ABCB4: variants seen among roughly 807,000 people sequenced by gnomAD.
The protein encoded by ABCB4 is ATP binding cassette subfamily B member 4, also known as phosphatidylcholine translocator ABCB4.
In ABCB4, 76 loss-of-function variants were observed where a neutral mutation model predicts 145.7. The observed-to-expected ratio is 0.52, with a 90% CI of 0.43 to 0.63. ABCB4 has a LOEUF of 0.63. ABCB4 is among the 30% of genes least tolerant of loss of function. The probability of loss-of-function intolerance (pLI) is 0.00; values close to 1 mark genes in which losing one functional copy is unlikely to be tolerated. For synonymous variants in ABCB4, 517 were observed against 566.8 expected (o/e 0.91, Z 1.25); for missense variants, 1,234 against 1,553.1 (o/e 0.79, Z 3.45).
intron 7 of ABCB4, among the ~76,000 whole-genome samples, chr7:87,451,114 A>G (rs1178910403): frequency 6.6e-6 from 1 of 151,926 alleles, no homozygotes; most frequent in Non-Finnish European, 1.5e-5. Flanking sequence ...TCCTTAACTA[A>G]GGGTAATCGA....
chr7:87,463,043 C>G (rs1309013163), intron 3 of ABCB4, 135 bp from the exon 4 acceptor site: 2 of 723,104 alleles, frequency 2.8e-6, no homozygotes, highest in Non-Finnish European at 4.6e-6. Flanking sequence ...GAAAAGGAGG[C>G]CTTCAAATCA....
chr7:87,448,270 T>C (rs1478567208), intron 8 of ABCB4, among the ~76,000 whole-genome samples: 1 of 151,782 alleles, frequency 6.6e-6, no homozygotes, highest in Non-Finnish European at 1.5e-5. Flanking sequence ...CTAGGATATT[T>C]TTCTTTGTGA....
At position 87,406,277 on chromosome 7, in the gene ABCB4, C is replaced by T; in HGVS notation, c.3486+11G>A. 6.2e-7 allele frequency: 1 copy of T among 1,613,570 alleles called. No individual in the cohort carries two copies. The highest frequency in any genetic ancestry group is 1.1e-5 in the South Asian group (1 of 91,062). On this transcript the variant is annotated intron_variant, in intron 26 of 27. Coordinates refer to ENST00000649586, the MANE Select transcript of ABCB4 (RefSeq NM_000443.4). ...GTAGTCTCTTCTGATTTCAGCTACT[C>T]TTTAACTTACGTGGGGTAACGTCTC...
At chr7:87,378,579 T>C in the ABCB4 span, among the ~76,000 whole-genome samples, 1 of 152,216 alleles carries the variant, frequency 6.6e-6, no homozygotes, top group Non-Finnish European at 1.5e-5. Context: ...CCCAATGTGA[T>C]TGTTGTACCA....
At position 87,418,522 on chromosome 7, in the gene ABCB4, G is replaced by T. The variant is rs768073000; in HGVS notation, c.2478+15C>A. 29 of 1,611,244 alleles carry T rather than the reference G, an allele frequency of 1.8e-5. No homozygotes were observed. Among genetic ancestry groups the T allele is most frequent in the Non-Finnish European group, 2.5e-5 (29 of 1,177,486 alleles). On this transcript the variant is annotated intron_variant, in intron 20 of 27. Transcript: ENST00000649586. ...TGTTATGTAAAAAACTACAAGTAGA[G>T]TGCAGTCTACCTACTCCTTGGACTT... is the stretch of plus-strand genomic sequence containing the variant.
At chr7:87,456,357 T>C (rs1812100554) in intron 4 of ABCB4, among the ~76,000 whole-genome samples, 1 of 152,158 alleles carries the variant, frequency 6.6e-6, no homozygotes, top group South Asian at 2.1e-4. Flanking sequence ...TGGGGCCTGA[T>C]GGGAGGTGTT....
chr7:87,405,617 G>A (rs886217285), intron 26 of ABCB4, among the ~76,000 whole-genome samples: 2 of 152,070 alleles, frequency 1.3e-5, no homozygotes, highest in African/African-American at 2.4e-5. Context: ...AGTAGAGACA[G>A]GGTTTCACCA....
At chr7:87,447,925 G>C (rs1811454554) in intron 8 of ABCB4, among the ~76,000 whole-genome samples, 2 of 152,096 alleles carry the variant, frequency 1.3e-5, no homozygotes. Context: ...TACAGTAGCT[G>C]GTTCATAGTT....
chr7:87,404,189 G>A (rs905227720), intron 26 of ABCB4, among the ~76,000 whole-genome samples: 5 of 152,164 alleles, frequency 3.3e-5, no homozygotes, highest in African/African-American at 1.2e-4. Context: ...TTTATTTGTG[G>A]GTGTGAGTGA....
At chr7:87,416,336 C>T (rs1808972174) in intron 21 of ABCB4, among the ~76,000 whole-genome samples, 1 of 152,192 alleles carries the variant, frequency 6.6e-6, no homozygotes, top group Non-Finnish European at 1.5e-5. Context: ...GTCTCTGACG[C>T]CTTCTTCCCT....
At chr7:87,392,923 A>T in the ABCB4 span, 1 of 1,612,846 alleles carries the variant, frequency 6.2e-7, no homozygotes, top group Non-Finnish European at 8.5e-7. Flanking sequence ...GGCCTAGTAA[A>T]ATGTTCTTTT....
chr7:87,379,460 C>T, the ABCB4 span, among the ~76,000 whole-genome samples: 1 of 152,180 alleles, frequency 6.6e-6, no homozygotes, highest in Non-Finnish European at 1.5e-5. Context: ...ACTCATCTTG[C>T]TTTCCGTCCC....
intron 19 of ABCB4, among the ~76,000 whole-genome samples, chr7:87,419,448 C>T (rs757556565): frequency 4.6e-5 from 7 of 152,174 alleles, no homozygotes; most frequent in Non-Finnish European, 8.8e-5. Context: ...ATGGATTATA[C>T]AGTACCAGCC....
intron 4 of ABCB4, among the ~76,000 whole-genome samples, chr7:87,460,195 G>A (rs956116239): frequency 1.3e-5 from 2 of 152,158 alleles, no homozygotes; most frequent in Non-Finnish European, 2.9e-5. Context: ...TTCACTGTGG[G>A]GAAGGAAATG....
At chr7:87,366,683 T>C in the ABCB4 span, among the ~76,000 whole-genome samples, 108,217 of 152,102 alleles carry the variant, frequency 0.71, 40,710 homozygotes, top group Middle Eastern at 0.83. Context: ...TTCTTTCTGG[T>C]TCTTCACCAT....
intron 14 of ABCB4, among the ~76,000 whole-genome samples, chr7:87,437,781 C>T (rs1297197904): frequency 5.9e-5 from 9 of 152,294 alleles, no homozygotes; most frequent in East Asian, 1.9e-4. Context: ...CCCAGCCTAG[C>T]ATCAAAGCCT....
At position 87,418,593 on chromosome 7, in the gene ABCB4, T is replaced by A. The variant is rs1809166231; in HGVS notation, c.2422A>T (p.Asn808Tyr). The A allele has an allele frequency of 6.2e-7, 1 of 1,614,154 alleles. No individual in the cohort carries two copies. Among genetic ancestry groups the A allele is most frequent in the Non-Finnish European group, 8.5e-7 (1 of 1,180,012 alleles). Residue 808 changes from asparagine (N) to tyrosine (Y), a missense_variant, in exon 20 of 28, where the codon AAC (asparagine) becomes TAC (tyrosine). Coordinates refer to ENST00000649586, the MANE Select transcript of ABCB4 (RefSeq NM_000443.4). ...QDMSWFDDHK[N>Y]STGALSTRLA... ...CTTGTAGAAAGTGCACCAGTACTGT[T>A]TTTATGGTCATCAAACCAGCTCATG...
At chr7:87,376,792 TA>T in the ABCB4 span, among the ~76,000 whole-genome samples, 1 of 152,106 alleles carries the variant, frequency 6.6e-6, no homozygotes, top group Admixed American at 6.5e-5. Context: ...AACACATATA[TA>T]AAATAGGAGT....
At chr7:87,473,346 A>G (rs935571281) in intron 2 of ABCB4, among the ~76,000 whole-genome samples, 1 of 151,450 alleles carries the variant, frequency 6.6e-6, no homozygotes, top group Admixed American at 6.6e-5. Context: ...CCACATCCCT[A>G]CTCCCAAACC....
Sources: gnomAD v4.1 joint callset for allele counts (sites outside exome capture counted in the v4.1 genomes callset) on GRCh38, gnomAD v4.1.1 for gene constraint, MANE v1.5 for transcripts, NCBI Gene and HGNC (gene_info 2026-07-23, HGNC 2026-07-21) for gene names.